ARHGAP39: variants seen among roughly 807,000 people sequenced by gnomAD.
ARHGAP39 encodes the protein Rho GTPase activating protein 39.
In ARHGAP39, 44 loss-of-function variants were observed where a neutral mutation model predicts 106.9. The ratio of observed to expected loss-of-function variants is 0.41; its 90% confidence interval spans 0.32 to 0.53. ARHGAP39 has a LOEUF of 0.53. ARHGAP39 is among the 20% of genes least tolerant of loss of function. The probability of loss-of-function intolerance (pLI) is 0.21; values close to 1 mark genes in which losing one functional copy is unlikely to be tolerated. For missense variants in ARHGAP39, 1,496 were observed against 1,577.3 expected, an observed-to-expected ratio of 0.95 and a Z score of 0.87; for synonymous variants, 768 against 693.2, an observed-to-expected ratio of 1.11 and a Z score of -1.69.
At chr8:144,630,682 C>T (rs1215339049) in intron 1 of ARHGAP39, among the ~76,000 whole-genome samples, 6 of 152,226 alleles carry the variant, frequency 3.9e-5, no homozygotes, top group Admixed American at 3.9e-4. Context: ...GAGGTGGCAC[C>T]ACTAACCCCA....
chr8:144,533,811 G>A (rs1052808129), intron 8 of ARHGAP39, among the ~76,000 whole-genome samples: 1 of 152,238 alleles, frequency 6.6e-6, no homozygotes, highest in Admixed American at 6.5e-5. Flanking sequence ...AGAGAGAAGA[G>A]GATGTGGGGA....
In ARHGAP39 at chr8:144,583,217, G is replaced by C. The variant is rs571312561; in HGVS notation, c.81-1940C>G. On this transcript the variant is annotated intron_variant, in intron 2 of 11. Coordinates refer to ENST00000377307, the MANE Select transcript of ARHGAP39 (RefSeq NM_025251.3). The stretch of plus-strand genomic sequence containing the variant: ...GAACAAATCTAGGCAGCACCTTTCA[G>C]TCCCGAGGGAGCTGTGCCACTTTTG... 1.4e-4 allele frequency among the ~76,000 whole-genome samples: 22 copies of C among 152,302 alleles called. No homozygotes were observed. The East Asian group carries it at 3.9e-3, about 27-fold the overall frequency.
intron 6 of ARHGAP39, 71 bp downstream of exon 6, chr8:144,545,178 C>G (rs769995461): frequency 3.0e-6 from 4 of 1,353,880 alleles, no homozygotes; most frequent in Non-Finnish European, 3.9e-6. Context: ...CACCAGCTGC[C>G]GCCCAGCACA....
chr8:144,547,996 G>C lies in ARHGAP39; in HGVS notation c.1090C>G (p.Pro364Ala), dbSNP rs746036901. ...ACCAGCTGCTGGCAGGGCGAGGGGG[G>C]GCCCTGCTTGTTGGGCTGGAGGAAC... ...RPFLQPNKQG[P>A]PSPCQQLVLT... Residue 364 changes from proline (P) to alanine (A), a missense_variant, in exon 5 of 12, where the codon CCC becomes GCC. Pro to Ala is a conservative substitution (Grantham distance 27). Transcript: ENST00000377307. This position sits in a 1 kb window ranked among gnomAD's most constrained non-coding sequence, Gnocchi z 5.2. The C allele has an allele frequency of 6.2e-7, 1 of 1,610,192 alleles. No individual in the cohort carries two copies. Among genetic ancestry groups the C allele is most frequent in the Admixed American group, 1.7e-5 (1 of 59,836 alleles).
intron 1 of ARHGAP39, among the ~76,000 whole-genome samples, chr8:144,662,499 A>G (rs1405299391): frequency 1.8e-5 from 2 of 108,256 alleles, no homozygotes; most frequent in African/African-American, 7.5e-5. Context: ...TCCACCTTGG[A>G]CTGCTCCCCG....
chr8:144,577,963 C>G (rs1200454644), intron 3 of ARHGAP39, among the ~76,000 whole-genome samples: 1 of 152,144 alleles, frequency 6.6e-6, no homozygotes, highest in Non-Finnish European at 1.5e-5. Context: ...CACAATCCCC[C>G]ACACAGATCC....
At chr8:144,609,372 T>C (rs1041575145) in intron 1 of ARHGAP39, among the ~76,000 whole-genome samples, 1 of 151,566 alleles carries the variant, frequency 6.6e-6, no homozygotes, top group African/African-American at 2.4e-5. Flanking sequence ...CTTGTATAAA[T>C]GCCAATTGGT....
In ARHGAP39 at chr8:144,647,297, T is replaced by A. The variant is rs534452023; in HGVS notation, c.-82+38389A>T. ...TGACCCTTCTTAAAGCTCGAGCATG[T>A]GGCCCCAGTAAGAGCAGGGAAGGGA... is the stretch of plus-strand genomic sequence containing the variant. On this transcript the variant is annotated intron_variant, in intron 1 of 11. Coordinates refer to ENST00000377307, the MANE Select transcript of ARHGAP39 (RefSeq NM_025251.3). This position sits in a 1 kb window ranked among gnomAD's most constrained non-coding sequence, Gnocchi z 4.8. Among the ~76,000 whole-genome samples, 17 of 152,182 alleles carry A rather than the reference T, an allele frequency of 1.1e-4. No individual in the cohort carries two copies. Among genetic ancestry groups the A allele is most frequent in the African/African-American group, 4.1e-4 (17 of 41,540 alleles).
At chr8:144,661,646 A>G (rs1477911323) in intron 1 of ARHGAP39, among the ~76,000 whole-genome samples, 3 of 152,014 alleles carry the variant, frequency 2.0e-5, no homozygotes, top group Non-Finnish European at 4.4e-5. Context: ...TCAGCCTCCC[A>G]CAATACTGAG....
chr8:144,532,412 C>T lies in ARHGAP39; in HGVS notation c.2889-16G>A. On this transcript the variant is annotated splice_polypyrimidine_tract_variant and intron_variant, in intron 9 of 11. Coordinates refer to ENST00000377307, the MANE Select transcript of ARHGAP39 (RefSeq NM_025251.3). ...CCCAGGGACCCTGCAGGGCACAGGG[C>T]AGGTCTCAGGCAACAGGAGCCTGTG... The T allele has an allele frequency of 4.4e-6, 7 of 1,606,464 alleles. No homozygotes were observed. Among genetic ancestry groups the T allele is most frequent in the Non-Finnish European group, 5.1e-6 (6 of 1,175,354 alleles).
rs758023367 is a variant in ARHGAP39, at chr8:144,602,868, G to C, written c.80+2667C>G. On this transcript the variant is annotated intron_variant, in intron 2 of 11. Coordinates refer to ENST00000377307, the MANE Select transcript of ARHGAP39 (RefSeq NM_025251.3). ...CGTGCGTGTGAGCTCGTGTACCTGT[G>C]TGCATGTGTGTGGTGTGTGTGAGAG... Among the ~76,000 whole-genome samples the C allele has an allele frequency of 6.4e-4, 85 of 133,764 alleles. 2 individuals carry two copies. Among genetic ancestry groups the C allele is most frequent in the African/African-American group, 2.3e-3 (81 of 35,084 alleles). The allele number at this position is 133,764 out of a possible 152,430, so 87.8% of individuals were successfully genotyped here.
Position 144,591,756 on chromosome 8 carries a change from C to G in ARHGAP39, c.81-10479G>C, listed in dbSNP as rs1819408271. Among the ~76,000 whole-genome samples the G allele has an allele frequency of 6.6e-6, 1 of 152,242 alleles. No homozygotes were observed. Among genetic ancestry groups the G allele is most frequent in the African/African-American group, 2.4e-5 (1 of 41,462 alleles). On this transcript the variant is annotated intron_variant, in intron 2 of 11. Transcript: ENST00000377307. The surrounding 1 kb of genome is among the most constrained non-coding windows in gnomAD (Gnocchi z 5.3). ...CACCAAGGACAGGACCACATGGACG[C>G]AGGTCAAACGCGGTGAGCAGTGAGG...
chr8:144,578,690 A>G (rs374098856), intron 3 of ARHGAP39, among the ~76,000 whole-genome samples: 2 of 152,080 alleles, frequency 1.3e-5, no homozygotes, highest in East Asian at 3.9e-4. Flanking sequence ...CTCTACAAAA[A>G]AAATACAAAA....
intron 1 of ARHGAP39, among the ~76,000 whole-genome samples, chr8:144,638,328 C>A (rs987033435): frequency 6.6e-6 from 1 of 152,228 alleles, no homozygotes; most frequent in Non-Finnish European, 1.5e-5. Context: ...TGTGTCTCCA[C>A]ATGGATTTCT....
In ARHGAP39 at chr8:144,573,271, G is replaced by A. The variant is rs1240805378; in HGVS notation, c.512+7575C>T. Among the ~76,000 whole-genome samples the A allele has an allele frequency of 5.3e-5, 8 of 152,306 alleles. No homozygotes were observed. In the East Asian group the frequency reaches 1.5e-3, roughly 29 times the overall value. ...GCACATATACACCATGGAATACTATGCAGCCATAAAAAGGATGAGTTCATG... is the reference window on the plus strand; with the variant it reads ...GCACATATACACCATGGAATACTATACAGCCATAAAAAGGATGAGTTCATG... On this transcript the variant is annotated intron_variant, in intron 3 of 11. Transcript: ENST00000377307.
Position 144,530,071 on chromosome 8 carries a change from G to C in ARHGAP39, c.*351C>G. On this transcript the variant is annotated 3_prime_UTR_variant, in exon 12 of 12. Coordinates refer to ENST00000377307, the MANE Select transcript of ARHGAP39 (RefSeq NM_025251.3). ...CTGGGCAAGGCCCAGGCCAGGGCGC[G>C]CAGGAGCCACAGGGAGGCAGCCCGG... 3.6e-6 allele frequency: 1 copy of C among 277,578 alleles called. No homozygotes were observed. The allele number at this position is 277,578 out of a possible 1,614,324, so 17.2% of individuals were successfully genotyped here.
the ARHGAP39 span, among the ~76,000 whole-genome samples, chr8:144,691,676 C>T: frequency 2.0e-5 from 3 of 152,000 alleles, no homozygotes; most frequent in Non-Finnish European, 2.9e-5. Flanking sequence ...TGTCTTGCTA[C>T]ATTTTGTTGC....
In ARHGAP39 at chr8:144,671,136, C is replaced by T. The variant is rs564862814; in HGVS notation, c.-82+14550G>A. Among the ~76,000 whole-genome samples, 2 of 152,322 alleles carry T rather than the reference C, an allele frequency of 1.3e-5. No homozygotes were observed. Among genetic ancestry groups the T allele is most frequent in the South Asian group, 4.1e-4 (2 of 4,824 alleles). On this transcript the variant is annotated intron_variant, in intron 1 of 11. Transcript: ENST00000377307. This position sits in a 1 kb window ranked among gnomAD's most constrained non-coding sequence, Gnocchi z 4.5. ...CAGTTTGTAAATCCTAATGTCAGTT[C>T]TCTCTGTGGAATGAGGCCTATGTTG... is the stretch of plus-strand genomic sequence containing the variant.
At chr8:144,663,396 T>C (rs1349057675) in intron 1 of ARHGAP39, among the ~76,000 whole-genome samples, 2 of 151,934 alleles carry the variant, frequency 1.3e-5, no homozygotes, top group Non-Finnish European at 2.9e-5. Context: ...CAATGAGAGA[T>C]GGAGCAAGAG....
Sources: allele counts gnomAD v4.1 joint callset (sites outside exome capture counted in the v4.1 genomes callset), GRCh38; gene constraint gnomAD v4.1.1; non-coding constraint Gnocchi (gnomAD v3.1); transcripts MANE v1.5; gene names NCBI Gene and HGNC (gene_info 2026-07-23, HGNC 2026-07-21).